PHTF2: variants seen among roughly 807,000 people sequenced by gnomAD.
PHTF2 encodes protein PHTF2.
In PHTF2, 60 loss-of-function variants were observed where a neutral mutation model predicts 101.2. The observed-to-expected ratio is 0.59, with a 90% CI of 0.48 to 0.73. The LOEUF is 0.73. Among genes scored for constraint, PHTF2 ranks in the 30% least tolerant of loss-of-function variants. The pLI is 0.00. For missense variants in PHTF2, 747 were observed against 908.7 expected (o/e 0.82, Z 2.29); for synonymous variants, 311 against 307.3 (o/e 1.01, Z -0.13).
chr7:77,875,709 C>G (rs900676123), intron 3 of PHTF2, among the ~76,000 whole-genome samples: 30 of 151,990 alleles, frequency 2.0e-4, no homozygotes, highest in Non-Finnish European at 4.3e-4. Flanking sequence ...AGGCGCCTGC[C>G]ACCACGCCTG....
At position 77,834,082 on chromosome 7, in the gene PHTF2, C is replaced by A. The variant is rs1584435200; in HGVS notation, c.-35-6139C>A. Among the ~76,000 whole-genome samples, 3 of 151,866 alleles carry A rather than the reference C, an allele frequency of 2.0e-5. No homozygotes were observed. The East Asian group carries it at 5.8e-4, about 30-fold the overall frequency. On this transcript the variant is annotated intron_variant, in intron 1 of 19. Coordinates refer to ENST00000416283, the Ensembl canonical transcript of PHTF2. ...CAGATTTGAGTTGCTCTGAATATAC[C>A]CTCTGATTAGCAGCAGTTAAAAGTG...
rs1222388227 is a variant in PHTF2 at position 77,901,758 on chromosome 7, T to C, written c.287-4T>C. 2.7e-6 allele frequency: 4 copies of C among 1,478,132 alleles called. No individual in the cohort carries two copies. Among genetic ancestry groups the C allele is most frequent in the Non-Finnish European group, 3.6e-6 (4 of 1,110,786 alleles). 91.6% of individuals were successfully genotyped at this position (1,478,132 alleles called of 1,614,324 possible). On this transcript the variant is annotated splice_region_variant and splice_polypyrimidine_tract_variant and intron_variant, in intron 6 of 19. Transcript: ENST00000416283. ...ACTCTGTTGTCCTATTTTACTTTTT[T>C]CAGGGTCTGCATTTGCAAAGGCAAA...
Position 77,951,724 on chromosome 7 carries a change from A to G in PHTF2, c.2211+12A>G. The G allele has an allele frequency of 2.7e-6, 3 of 1,111,282 alleles. No individual in the cohort carries two copies. Among genetic ancestry groups the G allele is most frequent in the East Asian group, 2.7e-5 (1 of 36,742 alleles). 68.8% of individuals were successfully genotyped at this position (1,111,282 alleles called of 1,614,324 possible). A position where few individuals can be genotyped will look rare whatever the true frequency, so the allele number is the denominator to read the frequency against. On this transcript the variant is annotated intron_variant, in intron 18 of 19. Transcript: ENST00000416283. ...CTAAACTGCTAAAGGTAAGAATAGA[A>G]CTGAAAATGGTTATAATGTCAAATA...
At chr7:77,860,609 A>G (rs1797558715) in intron 3 of PHTF2, among the ~76,000 whole-genome samples, 1 of 152,242 alleles carries the variant, frequency 6.6e-6, no homozygotes, top group African/African-American at 2.4e-5. Context: ...GGTGTATAGT[A>G]GGTATTCAAT....
chr7:77,822,336 C>T (rs1002131984), intron 1 of PHTF2, among the ~76,000 whole-genome samples: 5 of 152,104 alleles, frequency 3.3e-5, no homozygotes, highest in African/African-American at 1.2e-4. Flanking sequence ...GATGGAGCCC[C>T]AGTGCTAGAG....
intron 3 of PHTF2, among the ~76,000 whole-genome samples, chr7:77,865,417 G>T (rs1299349881): frequency 6.6e-6 from 1 of 151,878 alleles, no homozygotes; most frequent in Admixed American, 6.6e-5. Context: ...GTAGAGACGG[G>T]GTTTCACCAT....
At chr7:77,855,188 A>G (rs1465431227) in intron 3 of PHTF2, among the ~76,000 whole-genome samples, 1 of 152,182 alleles carries the variant, frequency 6.6e-6, no homozygotes, top group African/African-American at 2.4e-5. Context: ...CAGGTGATGA[A>G]TCATGCCATG....
In PHTF2 at chr7:77,854,760, C is replaced by G. The variant is rs1797040908; in HGVS notation, c.73C>G (p.Pro25Ala). Residue 25 changes from proline to alanine, a missense_variant, in exon 3 of 20, where the codon CCA becomes GCA. Transcript: ENST00000416283. ...GTTTCTCTCTGTGGCCACCACCGCC[C>G]CAGGCCCACAGCAAGTACTGCCTGG... 5 of 734,080 alleles carry G rather than the reference C, an allele frequency of 6.8e-6. 1 individual carries two copies. In the South Asian group the frequency reaches 7.1e-5, roughly 10 times the overall value. 45.5% of individuals were successfully genotyped at this position (734,080 alleles called of 1,614,324 possible).
At chr7:77,955,954 A>G (rs945465555) in exon 20 of PHTF2, 2 of 152,418 alleles carry the variant, frequency 1.3e-5, no homozygotes, top group African/African-American at 4.8e-5. Flanking sequence ...CCCCACCCCC[A>G]TTATATAAGG....
At chr7:77,869,041 A>G (rs1490481728) in intron 3 of PHTF2, among the ~76,000 whole-genome samples, 2 of 152,222 alleles carry the variant, frequency 1.3e-5, no homozygotes, top group East Asian at 3.8e-4. Flanking sequence ...GATCTTTGGA[A>G]TAGAACATCC....
At chr7:77,851,664 C>A (rs1428939889) in intron 2 of PHTF2, among the ~76,000 whole-genome samples, 2 of 149,226 alleles carry the variant, frequency 1.3e-5, no homozygotes, top group Non-Finnish European at 3.0e-5. Context: ...AACTACTGAG[C>A]TCAAGTGATC....
At chr7:77,884,785 G>C (rs1190241789) in intron 3 of PHTF2, among the ~76,000 whole-genome samples, 12 of 152,322 alleles carry the variant, frequency 7.9e-5, no homozygotes, top group African/African-American at 2.4e-4. Flanking sequence ...TGTAGTCCCA[G>C]TTACTCGGGA....
At chr7:77,857,855 C>G (rs1344987516) in intron 3 of PHTF2, among the ~76,000 whole-genome samples, 3 of 152,150 alleles carry the variant, frequency 2.0e-5, no homozygotes, top group Non-Finnish European at 4.4e-5. Flanking sequence ...ATTATTGTTA[C>G]ATGGGTCAGC....
chr7:77,872,724 G>A (rs550985711), intron 3 of PHTF2, among the ~76,000 whole-genome samples: 1 of 152,156 alleles, frequency 6.6e-6, no homozygotes, highest in Non-Finnish European at 1.5e-5. Flanking sequence ...TAGTTCACAA[G>A]GCATTGGTCA....
chr7:77,950,606 G>C (rs1418458548), intron 17 of PHTF2, among the ~76,000 whole-genome samples: 1 of 152,148 alleles, frequency 6.6e-6, no homozygotes, highest in African/African-American at 2.4e-5. Context: ...AGTGAGCTGA[G>C]ATTGTGCCAC....
intron 5 of PHTF2, chr7:77,895,069 C>A: frequency 4.7e-6 from 2 of 426,260 alleles, no homozygotes; most frequent in South Asian, 3.5e-5. Flanking sequence ...TGTACACAGG[C>A]AGCACTAAGG....
intron 6 of PHTF2, among the ~76,000 whole-genome samples, chr7:77,900,999 C>T (rs547313902): frequency 6.6e-6 from 1 of 152,290 alleles, no homozygotes; most frequent in South Asian, 2.1e-4. Context: ...GGAAGCTTTA[C>T]CCATGGCAGA....
rs139361914 is a variant in PHTF2 at position 77,920,845 on chromosome 7, C to T, written c.963+380C>T. 5.6e-3 allele frequency among the ~76,000 whole-genome samples: 845 copies of T among 152,130 alleles called. 8 individuals are homozygous for T. The highest frequency in any genetic ancestry group is 0.019 in the African/African-American group (800 of 41,478). On this transcript the variant is annotated intron_variant, in intron 10 of 19. Coordinates refer to ENST00000416283, the Ensembl canonical transcript of PHTF2. ...TACAGGCATGCGCCACCATGCCCGGCTAATTTTTTTTTTGTTTTTTGTAGA... is the reference window on the plus strand; with the variant it reads ...TACAGGCATGCGCCACCATGCCCGGTTAATTTTTTTTTTGTTTTTTGTAGA...
At position 77,927,187 on chromosome 7, in the gene PHTF2, TATATATATAC is replaced by T. The variant is rs1230281772; in HGVS notation, c.1120-1918_1120-1909del. Among the ~76,000 whole-genome samples, 22 of 79,220 alleles carry T rather than the reference TATATATATAC, an allele frequency of 2.8e-4. 2 individuals carry two copies. In the South Asian group the frequency reaches 4.1e-3, roughly 15 times the overall value. The allele number at this position is 79,220 out of a possible 152,430, so 52.0% of individuals were successfully genotyped here. Reference sequence around the variant, plus strand: ...AAAAAAAAAAAAAAAAATATATATATATATATATACATACACACACACACACACACACACA... The same window carrying T: ...AAAAAAAAAAAAAAAAATATATATATATACACACACACACACACACACACA... On this transcript the variant is annotated intron_variant, in intron 11 of 19. Coordinates refer to ENST00000416283, the Ensembl canonical transcript of PHTF2.
Sources: allele counts gnomAD v4.1 joint callset (sites outside exome capture counted in the v4.1 genomes callset), GRCh38; gene constraint gnomAD v4.1.1; transcripts MANE v1.5; gene names NCBI Gene and HGNC (gene_info 2026-07-23, HGNC 2026-07-21).